Variants in XKR6 observed in about 807,000 individuals in gnomAD.
XKR6 encodes the protein XK-related protein 6.
A neutral mutation model predicts 56.7 loss-of-function variants in XKR6; 22 were observed. The observed-to-expected ratio is 0.39, with a 90% CI of 0.28 to 0.55. The LOEUF is 0.55. XKR6 is among the 20% of genes least tolerant of loss of function. The pLI, the probability that XKR6 is intolerant of heterozygous loss-of-function variation, is 0.66. For synonymous variants in XKR6, 524 were observed against 387.8 expected (o/e 1.35, Z -4.13); for missense variants, 852 against 889.0 (o/e 0.96, Z 0.53).
chr8:11,134,388 G>A, intron 1 of XKR6, among the ~76,000 whole-genome samples: 1 of 152,230 alleles, frequency 6.6e-6, no homozygotes, highest in East Asian at 1.9e-4. Flanking sequence ...ATAAGTATTA[G>A]CAAGGATACA....
chr8:11,196,637 C>T (rs1803907157), intron 1 of XKR6, among the ~76,000 whole-genome samples: 1 of 152,198 alleles, frequency 6.6e-6, no homozygotes, highest in African/African-American at 2.4e-5. Context: ...GAACACAAAT[C>T]TAATATTCCT....
intron 1 of XKR6, among the ~76,000 whole-genome samples, chr8:11,143,460 G>A (rs994791896): frequency 6.6e-6 from 1 of 152,216 alleles, no homozygotes; most frequent in South Asian, 2.1e-4. Flanking sequence ...CAAGAGGACA[G>A]AGGAATATGT....
At position 11,110,133 on chromosome 8, in the gene XKR6, C is replaced by T. The variant is rs769247934; in HGVS notation, c.764+90443G>A. Among the ~76,000 whole-genome samples the T allele has an allele frequency of 9.9e-5, 15 of 151,974 alleles. 1 individual carries two copies. Among genetic ancestry groups the T allele is most frequent in the East Asian group, 1.9e-4 (1 of 5,168 alleles). ...GATTACAGGTGCCCGCCACCACATC[C>T]GGCTCATTTTTGTATTTTTAGTAGA... On this transcript the variant is annotated intron_variant, in intron 1 of 2. Coordinates refer to ENST00000416569, the MANE Select transcript of XKR6 (RefSeq NM_173683.4).
chr8:11,099,425 G>C (rs923683493), intron 1 of XKR6, among the ~76,000 whole-genome samples: 7 of 152,264 alleles, frequency 4.6e-5, no homozygotes, highest in African/African-American at 1.7e-4. Context: ...TTTAGGCTCT[G>C]GCTTCAAGTG....
chr8:11,097,739 G>A (rs548453179), intron 1 of XKR6, among the ~76,000 whole-genome samples: 18 of 148,902 alleles, frequency 1.2e-4, no homozygotes, highest in African/African-American at 1.8e-4. Context: ...CCCAGGAGGC[G>A]GAGGCTGCAG....
intron 1 of XKR6, chr8:11,106,021 C>T (rs993464517): frequency 1.3e-5 from 2 of 152,186 alleles, no homozygotes; most frequent in Non-Finnish European, 2.9e-5. Context: ...TGATTGCAGA[C>T]TACATCCTTT....
chr8:11,008,396 C>G (rs528387629), intron 1 of XKR6, among the ~76,000 whole-genome samples: 98 of 151,784 alleles, frequency 6.5e-4, no homozygotes, highest in Non-Finnish European at 1.1e-3. Flanking sequence ...CTGGACGCAT[C>G]CCCTAAAGGG....
chr8:11,083,967 A>T (rs1321849992), intron 1 of XKR6, among the ~76,000 whole-genome samples: 2 of 152,224 alleles, frequency 1.3e-5, no homozygotes, highest in African/African-American at 4.8e-5. Flanking sequence ...TTTTTATAAT[A>T]AGTAACATTA....
intron 1 of XKR6, among the ~76,000 whole-genome samples, chr8:11,011,352 C>G (rs1424119811): frequency 6.6e-6 from 1 of 152,224 alleles, no homozygotes. Context: ...GCATCCTGCT[C>G]TGCAGTGACA....
At chr8:10,942,784 A>C (rs1252467744) in intron 1 of XKR6, among the ~76,000 whole-genome samples, 1 of 152,178 alleles carries the variant, frequency 6.6e-6, no homozygotes, top group Admixed American at 6.5e-5. Context: ...TTCACGCTAC[A>C]ACCCCTTCCC....
At chr8:11,146,632 A>G (rs577351670) in intron 1 of XKR6, among the ~76,000 whole-genome samples, 1 of 152,030 alleles carries the variant, frequency 6.6e-6, no homozygotes, top group South Asian at 2.1e-4. Flanking sequence ...TCAAAAAAAA[A>G]AAAAAAACAC....
intron 1 of XKR6, among the ~76,000 whole-genome samples, chr8:11,106,911 C>A (rs1435902900): frequency 6.9e-6 from 1 of 145,754 alleles, no homozygotes; most frequent in Non-Finnish European, 1.5e-5. Flanking sequence ...AAACCTTAGA[C>A]AACCCAGATC....
At chr8:11,133,860 C>G (rs996491477) in intron 1 of XKR6, among the ~76,000 whole-genome samples, 1 of 152,120 alleles carries the variant, frequency 6.6e-6, no homozygotes, top group African/African-American at 2.4e-5. Context: ...ACCATGTCGG[C>G]TCCTACTAAA....
At chr8:11,192,870 A>C (rs952900169) in intron 1 of XKR6, among the ~76,000 whole-genome samples, 1 of 152,124 alleles carries the variant, frequency 6.6e-6, no homozygotes, top group African/African-American at 2.4e-5. Flanking sequence ...AAAGTCAGGC[A>C]CCTGCCCTCT....
intron 2 of XKR6, among the ~76,000 whole-genome samples, chr8:10,912,651 T>TGTGA (rs1397411775): frequency 0.042 from 1,903 of 45,152 alleles, 103 homozygotes; most frequent in African/African-American, 0.2. Context: ...AAAGAGGGTG[T>TGTGA]CTATATGTGT....
intron 1 of XKR6, among the ~76,000 whole-genome samples, chr8:11,129,324 A>C (rs983617224): frequency 2.0e-5 from 3 of 152,178 alleles, no homozygotes; most frequent in African/African-American, 7.2e-5. Flanking sequence ...AAAAAGCTAA[A>C]AGTTTTATCA....
chr8:10,914,520 C>A (rs1800499789), intron 2 of XKR6, among the ~76,000 whole-genome samples: 2 of 152,142 alleles, frequency 1.3e-5, no homozygotes, highest in Non-Finnish European at 1.5e-5. Flanking sequence ...TAATTAAGGA[C>A]CCCTGCTGCC....
intron 1 of XKR6, among the ~76,000 whole-genome samples, chr8:11,121,221 A>C (rs1228624985): frequency 6.6e-6 from 1 of 152,250 alleles, no homozygotes; most frequent in African/African-American, 2.4e-5. Context: ...TTTGCACAGC[A>C]AAAGAAACTA....
chr8:11,047,384 G>A (rs1226833377), intron 1 of XKR6, among the ~76,000 whole-genome samples: 1 of 152,152 alleles, frequency 6.6e-6, no homozygotes, highest in African/African-American at 2.4e-5. Context: ...TTTTCATCAG[G>A]GATACCATGT....
Sources: allele counts gnomAD v4.1 joint callset (sites outside exome capture counted in the v4.1 genomes callset), GRCh38; gene constraint gnomAD v4.1.1; transcripts MANE v1.5; gene names NCBI Gene and HGNC (gene_info 2026-07-23, HGNC 2026-07-21).